The following VAV2 variants were observed in gnomAD, a reference collection of about 807,000 sequenced individuals.
The protein encoded by VAV2 is guanine nucleotide exchange factor VAV2.
A neutral mutation model predicts 132.5 loss-of-function variants in VAV2; 67 were observed. The ratio of observed to expected loss-of-function variants is 0.51; its 90% CI spans 0.42 to 0.62. VAV2 has a LOEUF of 0.62. VAV2 is among the 20% of genes least tolerant of loss of function. The pLI is 0.00. For missense variants in VAV2, 938 were observed against 1,153.6 expected (o/e 0.81, Z 2.71); for synonymous variants, 492 against 443.5 (o/e 1.11, Z -1.37).
intron 12 of VAV2, among the ~76,000 whole-genome samples, chr9:133,793,877 T>C (rs2073891): frequency 0.55 from 83,779 of 151,922 alleles, 23,536 homozygotes; most frequent in African/African-American, 0.65. Flanking sequence ...ACGACTCCCA[T>C]AGTGGCTGCA....
Position 133,863,588 on chromosome 9 carries a change from G to A in VAV2, c.322-2156C>T, listed in dbSNP as rs930996130. Among the ~76,000 whole-genome samples the A allele has an allele frequency of 6.6e-6, 1 of 152,164 alleles. No individual in the cohort carries two copies. Among genetic ancestry groups the A allele is most frequent in the Non-Finnish European group, 1.5e-5 (1 of 68,016 alleles). On this transcript the variant is annotated intron_variant, in intron 2 of 29. Transcript: ENST00000371850. This position sits in a 1 kb window ranked among gnomAD's most constrained non-coding sequence, Gnocchi z 5.0. Reference sequence around the variant, plus strand: ...GCAGCCTCAGCCCCAAGCTTGGGGCGCTTTGCCCCAGGATGAACGTGTCAC... The same window carrying A: ...GCAGCCTCAGCCCCAAGCTTGGGGCACTTTGCCCCAGGATGAACGTGTCAC...
At chr9:133,895,729 T>C (rs2810473) in intron 2 of VAV2, among the ~76,000 whole-genome samples, 107,445 of 152,008 alleles carry the variant, frequency 0.71, 38,708 homozygotes, top group Middle Eastern at 0.88. Context: ...GGTGGATACA[T>C]GGCCTTGTGA....
At chr9:133,927,039 G>A (rs1484067171) in intron 2 of VAV2, among the ~76,000 whole-genome samples, 1 of 152,140 alleles carries the variant, frequency 6.6e-6, no homozygotes, top group Non-Finnish European at 1.5e-5. Context: ...TGCCCACCCA[G>A]CATCCAGTCC....
intron 2 of VAV2, among the ~76,000 whole-genome samples, chr9:133,886,279 G>T (rs547890696): frequency 6.6e-6 from 1 of 152,160 alleles, no homozygotes; most frequent in Non-Finnish European, 1.5e-5. Context: ...TGCTTGCCTC[G>T]GCCCAGAGGC....
At chr9:133,854,378 G>A (rs1190798413) in intron 3 of VAV2, among the ~76,000 whole-genome samples, 5 of 152,228 alleles carry the variant, frequency 3.3e-5, no homozygotes, top group African/African-American at 1.2e-4. Context: ...ATCTAACACA[G>A]TTTGTTCTGC....
At position 133,779,951 on chromosome 9, in the gene VAV2, A is replaced by C. The variant is rs2131589907; in HGVS notation, c.1741-12T>G. The C allele has an allele frequency of 6.2e-7, 1 of 1,612,548 alleles. No individual in the cohort carries two copies. The highest frequency in any genetic ancestry group is 2.2e-5 in the East Asian group (1 of 44,852). ...GCTCCGGAGGCGTCCTGTGAGGACA[A>C]GGACAGAACACAGAGATGAGGGAAG... On this transcript the variant is annotated splice_polypyrimidine_tract_variant and intron_variant, in intron 20 of 29. Coordinates refer to ENST00000371850, the MANE Select transcript of VAV2 (RefSeq NM_001134398.2).
intron 9 of VAV2, among the ~76,000 whole-genome samples, chr9:133,798,560 A>T (rs986840206): frequency 3.9e-5 from 6 of 152,168 alleles, no homozygotes; most frequent in Admixed American, 3.9e-4. Context: ...ACTGGAACCC[A>T]GGGTTCCCGG....
At chr9:133,815,029 A>G (rs1297327820) in intron 4 of VAV2, among the ~76,000 whole-genome samples, 1 of 152,114 alleles carries the variant, frequency 6.6e-6, no homozygotes, top group Non-Finnish European at 1.5e-5. Flanking sequence ...TGATCCCGGG[A>G]TGGAAGAGGC....
chr9:133,906,031 C>T (rs1044172791), intron 2 of VAV2, among the ~76,000 whole-genome samples: 1 of 152,026 alleles, frequency 6.6e-6, no homozygotes, highest in African/African-American at 2.4e-5. Flanking sequence ...AGAGTGAGAC[C>T]CTGTCTCAAA....
At chr9:133,803,076 C>T (rs1834998367) in intron 9 of VAV2, among the ~76,000 whole-genome samples, 1 of 152,164 alleles carries the variant, frequency 6.6e-6, no homozygotes, top group African/African-American at 2.4e-5. Context: ...ACCACCCAGC[C>T]TTGGGCTTCG....
chr9:133,792,247 G>T (rs1225593544), intron 12 of VAV2, among the ~76,000 whole-genome samples: 2 of 147,158 alleles, frequency 1.4e-5, no homozygotes, highest in African/African-American at 2.5e-5. Flanking sequence ...GTGACTGTGT[G>T]TATAAGCGGG....
In VAV2 at chr9:133,834,235, C is replaced by T. The variant is rs779528214; in HGVS notation, c.449+37G>A. The T allele has an allele frequency of 3.2e-6, 5 of 1,586,186 alleles. No homozygotes were observed. In the African/African-American group the frequency reaches 6.7e-5, roughly 21 times the overall value. On this transcript the variant is annotated intron_variant, in intron 4 of 29. Coordinates refer to ENST00000371850, the MANE Select transcript of VAV2 (RefSeq NM_001134398.2). The surrounding 1 kb of genome is among the most constrained non-coding windows in gnomAD (Gnocchi z 5.9). ...ACCACCAGGAACCTCCCTGCCCCTC[C>T]CTCCTCTCCATCCCTCCTCCCATCC...
rs532802218 is a variant in VAV2, at chr9:133,976,683, T to C, written c.204+15392A>G. Among the ~76,000 whole-genome samples, 5 of 152,372 alleles carry C rather than the reference T, an allele frequency of 3.3e-5. No individual in the cohort carries two copies. In the East Asian group the frequency reaches 9.6e-4, roughly 29 times the overall value. ...TCTCCCGGCAGCTACGCATCTGGCT[T>C]TCTGTCCTGCGACGGAGCTGCTATT... On this transcript the variant is annotated intron_variant, in intron 1 of 29. Coordinates refer to ENST00000371850, the MANE Select transcript of VAV2 (RefSeq NM_001134398.2).
intron 1 of VAV2, among the ~76,000 whole-genome samples, chr9:133,955,297 T>C (rs1841715768): frequency 6.6e-6 from 1 of 151,496 alleles, no homozygotes; most frequent in African/African-American, 2.4e-5. Context: ...AGCCAGGGAG[T>C]GTGGCCCCAT....
chr9:133,889,137 G>A (rs1838830354), intron 2 of VAV2, among the ~76,000 whole-genome samples: 1 of 152,170 alleles, frequency 6.6e-6, no homozygotes, highest in South Asian at 2.1e-4. Flanking sequence ...CCCTCGGGGT[G>A]GGAAACCGAG....
intron 3 of VAV2, among the ~76,000 whole-genome samples, chr9:133,858,162 G>A: frequency 6.6e-6 from 1 of 152,188 alleles, no homozygotes; most frequent in South Asian, 2.1e-4. Context: ...CTCCGGATAA[G>A]AGCGTCTTTG....
At chr9:133,777,273 TA>T (rs1833849780) in intron 23 of VAV2, 115 bp downstream of exon 23, 3 of 1,039,980 alleles carry the variant, frequency 2.9e-6, no homozygotes, top group Non-Finnish European at 1.4e-6. Context: ...CACAGCAGCC[TA>T]AATTTAGCAA....
chr9:133,808,951 G>C, intron 7 of VAV2, 89 bp downstream of exon 7: 1 of 1,247,718 alleles, frequency 8.0e-7, no homozygotes, highest in Non-Finnish European at 1.1e-6. Context: ...CTATGGCCCT[G>C]CCTCCGGAAT....
intron 4 of VAV2, among the ~76,000 whole-genome samples, chr9:133,819,021 A>G (rs1835679664): frequency 6.6e-6 from 1 of 152,104 alleles, no homozygotes; most frequent in African/African-American, 2.4e-5. Flanking sequence ...CTGGGATTAC[A>G]GGCATGAGCC....
Sources: gnomAD v4.1 joint callset for allele counts (sites outside exome capture counted in the v4.1 genomes callset) on GRCh38, gnomAD v4.1.1 for gene constraint, Gnocchi (gnomAD v3.1) non-coding constraint, MANE v1.5 for transcripts, NCBI Gene and HGNC (gene_info 2026-07-23, HGNC 2026-07-21) for gene names.